The following DAPK1 variants were observed in gnomAD, a reference collection of about 807,000 sequenced individuals.
The protein encoded by DAPK1 is death-associated protein kinase 1.
DAPK1 carries 56 observed loss-of-function variants against 144.9 expected under a neutral mutation model. The observed-to-expected ratio is 0.39, with a 90% CI of 0.31 to 0.48. The LOEUF (loss-of-function observed/expected upper bound fraction) is 0.48. DAPK1 is among the 20% of genes least tolerant of loss of function. The probability of loss-of-function intolerance (pLI) is 0.95; values close to 1 mark genes in which losing one functional copy is unlikely to be tolerated. For missense variants in DAPK1, 1,454 were observed against 1,875.4 expected (o/e 0.78, Z 4.15); for synonymous variants, 690 against 749.0 (o/e 0.92, Z 1.29).
chr9:87,636,477 T>G (rs552066281), intron 3 of DAPK1, among the ~76,000 whole-genome samples: 1 of 152,346 alleles, frequency 6.6e-6, no homozygotes, highest in East Asian at 1.9e-4. Flanking sequence ...CTGGTCACCA[T>G]TCTTGGAAGC....
chr9:87,515,754 A>G (rs1306217613), intron 2 of DAPK1, among the ~76,000 whole-genome samples: 2 of 152,206 alleles, frequency 1.3e-5, no homozygotes, highest in East Asian at 1.9e-4. Flanking sequence ...ATCTGTGGTC[A>G]TCAACAAAGG....
chr9:87,652,403 G>C (rs1282182275), intron 17 of DAPK1, among the ~76,000 whole-genome samples: 1 of 65,942 alleles, frequency 1.5e-5, no homozygotes. Flanking sequence ...CCTCCCACCT[G>C]ATCCCGGGTC....
chr9:87,511,940 G>A (rs1317165285), intron 2 of DAPK1, among the ~76,000 whole-genome samples: 1 of 152,150 alleles, frequency 6.6e-6, no homozygotes, highest in East Asian at 1.9e-4. Context: ...TCAAACTCCT[G>A]ACCTTAGGTG....
At chr9:87,633,069 A>T (rs901241856) in intron 3 of DAPK1, 8 of 978,320 alleles carry the variant, frequency 8.2e-6, no homozygotes, top group Non-Finnish European at 9.7e-6. Context: ...AGATGAAGGA[A>T]GATGAATATA....
At chr9:87,669,718 C>T (rs1014793071) in intron 19 of DAPK1, among the ~76,000 whole-genome samples, 1 of 151,652 alleles carries the variant, frequency 6.6e-6, no homozygotes, top group Non-Finnish European at 1.5e-5. Context: ...CTTCACAGCC[C>T]CTGAAGTTTA....
chr9:87,653,431 A>G (rs1197553649), intron 17 of DAPK1, among the ~76,000 whole-genome samples: 1 of 152,194 alleles, frequency 6.6e-6, no homozygotes, highest in African/African-American at 2.4e-5. Flanking sequence ...ATAATTTCAT[A>G]GATAAACAGA....
chr9:87,562,177 G>A (rs1036649793), intron 2 of DAPK1, among the ~76,000 whole-genome samples: 3 of 152,172 alleles, frequency 2.0e-5, no homozygotes, highest in African/African-American at 7.2e-5. Context: ...ACCTTCTTGG[G>A]GTTCAGGTGA....
At chr9:87,639,931 CAT>C (rs1034869628) in intron 7 of DAPK1, 116 bp downstream of exon 7, 2 of 1,130,668 alleles carry the variant, frequency 1.8e-6, no homozygotes, top group Non-Finnish European at 2.6e-6. Flanking sequence ...TTGATGCAAA[CAT>C]ATTCATTTTA....
chr9:87,501,948 T>C (rs148784951), intron 2 of DAPK1, among the ~76,000 whole-genome samples: 76 of 152,320 alleles, frequency 5.0e-4, no homozygotes, highest in African/African-American at 1.8e-3. Flanking sequence ...GATTTTCCTC[T>C]ATGAGAGGTT....
chr9:87,593,601 G>A (rs1340917445), intron 2 of DAPK1, among the ~76,000 whole-genome samples: 3 of 152,242 alleles, frequency 2.0e-5, no homozygotes, highest in East Asian at 3.9e-4. Flanking sequence ...TTTCCCTTTA[G>A]CTGGTTCTTC....
At chr9:87,586,981 G>A (rs990679631) in intron 2 of DAPK1, among the ~76,000 whole-genome samples, 1 of 152,344 alleles carries the variant, frequency 6.6e-6, no homozygotes, top group Admixed American at 6.5e-5. Context: ...TCCAGTGAGC[G>A]TTTGCTGAGA....
intron 2 of DAPK1, among the ~76,000 whole-genome samples, chr9:87,550,507 C>T (rs1826437041): frequency 6.6e-6 from 1 of 152,244 alleles, no homozygotes; most frequent in South Asian, 2.1e-4. Flanking sequence ...CCAGTCTGCA[C>T]ATGGCATTCT....
At chr9:87,505,503 C>T (rs1208140945) in intron 2 of DAPK1, among the ~76,000 whole-genome samples, 1 of 152,014 alleles carries the variant, frequency 6.6e-6, no homozygotes, top group East Asian at 1.9e-4. Flanking sequence ...TCAAGTGATT[C>T]TCCTGCCTCA....
Position 87,630,156 on chromosome 9 carries a change from T to C in DAPK1, c.285-7787T>C, listed in dbSNP as rs995160439. 3.3e-5 allele frequency among the ~76,000 whole-genome samples: 5 copies of C among 152,222 alleles called. No individual in the cohort carries two copies. The East Asian group carries it at 5.8e-4, about 18-fold the overall frequency. ...GCTGCCCAGCCAACCCTTCCTGAAT[T>C]CCCAACCCATAAGATAATTGTCATG... On this transcript the variant is annotated intron_variant, in intron 3 of 25. Coordinates refer to ENST00000408954, the MANE Select transcript of DAPK1 (RefSeq NM_004938.4).
chr9:87,664,149 C>T (rs905450999), intron 18 of DAPK1, among the ~76,000 whole-genome samples: 21 of 152,126 alleles, frequency 1.4e-4, no homozygotes, highest in Non-Finnish European at 2.6e-4. Context: ...CCACCTGGGG[C>T]TCCTCTGCCT....
chr9:87,544,851 A>G (rs1176691530), intron 2 of DAPK1, among the ~76,000 whole-genome samples: 3 of 152,158 alleles, frequency 2.0e-5, no homozygotes, highest in African/African-American at 4.8e-5. Flanking sequence ...AGAGGATGAA[A>G]TTGAACAGTG....
chr9:87,706,813 C>T lies in DAPK1; in HGVS notation c.3742C>T (p.Pro1248Ser). The change falls in exon 26 of 26, where the codon CCC (proline) becomes TCC (serine). Residue 1248 changes from proline (P) to serine (S), a missense_variant. Transcript: ENST00000408954. The surrounding 1 kb of genome is among the most constrained non-coding windows in gnomAD (Gnocchi z 9.0). ...SPQQLREHHE[P>S]VMIYQPRDFF... ...CCAGCAGCTGCGGGAGCACCATGAG[C>T]CCGTCATGATCTACCAGCCACGGGA... 6.2e-7 allele frequency: 1 copy of T among 1,613,552 alleles called. No homozygotes were observed. The highest frequency in any genetic ancestry group is 8.5e-7 in the Non-Finnish European group (1 of 1,179,886).
intron 3 of DAPK1, among the ~76,000 whole-genome samples, chr9:87,625,446 C>T (rs937893553): frequency 1.3e-5 from 2 of 152,218 alleles, no homozygotes; most frequent in African/African-American, 4.8e-5. Context: ...GCCAGCATAG[C>T]ATCACTAAAT....
chr9:87,571,502 C>CACACACACACACACACACACCCCA (rs1827354467), intron 2 of DAPK1, among the ~76,000 whole-genome samples: 2 of 142,466 alleles, frequency 1.4e-5, no homozygotes, highest in African/African-American at 5.4e-5. Flanking sequence ...CACCCCAACA[C>CACACACACACACACACACACCCCA]ACACACACAC....
Sources: gnomAD v4.1 joint callset for allele counts (sites outside exome capture counted in the v4.1 genomes callset) on GRCh38, gnomAD v4.1.1 for gene constraint, Gnocchi (gnomAD v3.1) non-coding constraint, MANE v1.5 for transcripts, NCBI Gene and HGNC (gene_info 2026-07-23, HGNC 2026-07-21) for gene names.